NEO1: variants seen among roughly 807,000 people sequenced by gnomAD.
The protein encoded by NEO1 is neogenin 1.
Under a neutral mutation model 159.7 loss-of-function variants are expected in NEO1, and 63 were observed. The ratio of observed to expected loss-of-function variants is 0.39; its 90% CI spans 0.32 to 0.49. The LOEUF is 0.49. NEO1 is among the 20% of genes least tolerant of loss of function. NEO1 has a pLI of 0.85. For missense variants in NEO1, 1,615 were observed against 1,831.0 expected (o/e 0.88, Z 2.15); for synonymous variants, 633 against 662.0 (o/e 0.96, Z 0.67).
intron 7 of NEO1, among the ~76,000 whole-genome samples, chr15:73,184,555 A>G (rs2035808105): frequency 6.6e-6 from 1 of 152,214 alleles, no homozygotes; most frequent in African/African-American, 2.4e-5. Context: ...CCTAATTACC[A>G]AGATGTCCTT....
At chr15:73,126,191 A>G (rs1439994325) in intron 3 of NEO1, among the ~76,000 whole-genome samples, 1 of 152,198 alleles carries the variant, frequency 6.6e-6, no homozygotes, top group Admixed American at 6.5e-5. Context: ...CACAGACTGA[A>G]TAAGAACCAG....
At chr15:73,283,216 A>G (rs2041804308) in intron 23 of NEO1, 105 bp downstream of exon 23, 5 of 1,271,662 alleles carry the variant, frequency 3.9e-6, no homozygotes, top group Non-Finnish European at 5.5e-6. Flanking sequence ...ATAAAAATAC[A>G]TGAAAAGGAA....
chr15:73,093,321 T>C (rs1036858379), intron 1 of NEO1, among the ~76,000 whole-genome samples: 6 of 152,222 alleles, frequency 3.9e-5, no homozygotes, highest in African/African-American at 1.4e-4. Context: ...TGTACTCTTT[T>C]GAGAAGAAAG....
At chr15:73,242,182 T>A (rs1020798285) in intron 8 of NEO1, among the ~76,000 whole-genome samples, 7 of 152,188 alleles carry the variant, frequency 4.6e-5, no homozygotes, top group South Asian at 2.1e-4. Flanking sequence ...TGATCTGTAC[T>A]CTCTCAGAGA....
Position 73,303,414 on chromosome 15 carries a change from T to G in NEO1, c.*718T>G, listed in dbSNP as rs2042690881. 1 of 152,362 alleles carries G rather than the reference T, an allele frequency of 6.6e-6. No homozygotes were observed. The highest frequency in any genetic ancestry group is 6.6e-5 in the Admixed American group (1 of 15,246). The allele number at this position is 152,362 out of a possible 1,614,324, so 9.4% of individuals were successfully genotyped here. ...TCTCATCACTGTGAGATTACAGATC[T>G]ATTTGAATTGAATGAAATGTAACAT... is the stretch of plus-strand genomic sequence containing the variant. On this transcript the variant is annotated 3_prime_UTR_variant, in exon 29 of 29. Transcript: ENST00000261908.
chr15:73,226,068 G>T (rs2038573381), intron 7 of NEO1, among the ~76,000 whole-genome samples: 2 of 152,206 alleles, frequency 1.3e-5, no homozygotes, highest in Non-Finnish European at 1.5e-5. Context: ...AGTTTCTCCA[G>T]TGGGGATGTG....
intron 5 of NEO1, among the ~76,000 whole-genome samples, chr15:73,144,854 C>A (rs748248528): frequency 6.6e-6 from 1 of 152,138 alleles, no homozygotes; most frequent in Admixed American, 6.5e-5. Context: ...ACATGAAAAT[C>A]ATTCTTGATT....
intron 16 of NEO1, among the ~76,000 whole-genome samples, chr15:73,267,980 A>G (rs937170623): frequency 6.6e-6 from 1 of 152,256 alleles, no homozygotes; most frequent in South Asian, 2.1e-4. Flanking sequence ...ATTCTTAAGG[A>G]AGGCTTACCT....
chr15:73,116,766 C>T lies in NEO1; in HGVS notation c.357C>T (p.His119=), dbSNP rs1279266146. The T allele has an allele frequency of 6.2e-7, 1 of 1,613,848 alleles. No individual in the cohort carries two copies. The highest frequency in any genetic ancestry group is 8.5e-7 in the Non-Finnish European group (1 of 1,179,884). ...TCAGCAATGTGGTGCATTCCAAACA[C>T]AATAAACCTGATGAAGGTTATTATC... The part of the protein sequence containing the change: ...LFISNVVHSK[H]NKPDEGYYQC... The change falls in exon 2 of 29, where the codon CAC becomes CAT. Residue 119 remains histidine, a synonymous_variant. Transcript: ENST00000261908.
At chr15:73,113,294 T>G (rs2071107825) in intron 1 of NEO1, among the ~76,000 whole-genome samples, 1 of 152,142 alleles carries the variant, frequency 6.6e-6, no homozygotes, top group Admixed American at 6.6e-5. Flanking sequence ...ATTATTAGAA[T>G]GGAACCTGCA....
intron 1 of NEO1, among the ~76,000 whole-genome samples, chr15:73,065,127 CCT>C (rs549946890): frequency 1.2e-3 from 176 of 151,928 alleles, no homozygotes; most frequent in South Asian, 2.3e-3. Flanking sequence ...TTCCATTTGT[CCT>C]TCTCTTTTGT....
intron 1 of NEO1, among the ~76,000 whole-genome samples, chr15:73,077,828 GAGA>G (rs1229660951): frequency 6.6e-6 from 1 of 152,142 alleles, no homozygotes; most frequent in Non-Finnish European, 1.5e-5. Context: ...TTCTAAAAAT[GAGA>G]AGGTTACTTC....
chr15:73,078,478 A>G (rs1201862038), intron 1 of NEO1, among the ~76,000 whole-genome samples: 1 of 152,172 alleles, frequency 6.6e-6, no homozygotes, highest in East Asian at 1.9e-4. Context: ...GTCTAGTTTC[A>G]TTTCCCAGCC....
intron 4 of NEO1, among the ~76,000 whole-genome samples, chr15:73,131,922 T>C (rs1026257143): frequency 4.6e-5 from 7 of 152,244 alleles, no homozygotes; most frequent in African/African-American, 1.7e-4. Context: ...TGCTAGTCTA[T>C]CTTTCTGAAA....
Position 73,074,154 on chromosome 15 carries a change from A to G in NEO1, c.130+21349A>G, listed in dbSNP as rs553994914. Among the ~76,000 whole-genome samples, 9 of 152,346 alleles carry G rather than the reference A, an allele frequency of 5.9e-5. No homozygotes were observed. The South Asian group carries it at 8.3e-4, about 14-fold the overall frequency. Reference sequence around the variant, plus strand: ...TTTTACTCATTTGAGGACTCAAGTCATGTCTAAACAGATAAAGGTATCAGC... The same window carrying G: ...TTTTACTCATTTGAGGACTCAAGTCGTGTCTAAACAGATAAAGGTATCAGC... On this transcript the variant is annotated intron_variant, in intron 1 of 28. Transcript: ENST00000261908.
chr15:73,114,389 G>C (rs934042047), intron 1 of NEO1, among the ~76,000 whole-genome samples: 1 of 152,116 alleles, frequency 6.6e-6, no homozygotes, highest in Non-Finnish European at 1.5e-5. Context: ...AGTGAAGAGA[G>C]GATATCTTAG....
At chr15:73,129,379 A>G (rs1193074980) in intron 4 of NEO1, among the ~76,000 whole-genome samples, 1 of 152,158 alleles carries the variant, frequency 6.6e-6, no homozygotes, top group East Asian at 1.9e-4. Context: ...AGAAATTCAG[A>G]TAGTGTTAGG....
In NEO1 at chr15:73,298,745, T is replaced by C. The variant is rs1358661638; in HGVS notation, c.4165+134T>C. The C allele has an allele frequency of 6.2e-6, 8 of 1,282,414 alleles. 1 individual carries two copies. In the African/African-American group the frequency reaches 1.2e-4, roughly 19 times the overall value. The allele number at this position is 1,282,414 out of a possible 1,614,324, so 79.4% of individuals were successfully genotyped here. On this transcript the variant is annotated intron_variant, in intron 27 of 28. Transcript: ENST00000261908. Reference sequence around the variant, plus strand: ...TCCAAGCCTATCTTAGCAATTCTGTTAGCGTAGCAGTGTGCCATTGCCCCG... The same window carrying C: ...TCCAAGCCTATCTTAGCAATTCTGTCAGCGTAGCAGTGTGCCATTGCCCCG...
intron 7 of NEO1, among the ~76,000 whole-genome samples, chr15:73,179,077 C>G (rs2035448964): frequency 6.6e-6 from 1 of 152,056 alleles, no homozygotes; most frequent in Non-Finnish European, 1.5e-5. Flanking sequence ...TTTAAAAATT[C>G]AGATAACAAT....
Sources: allele counts gnomAD v4.1 joint callset (sites outside exome capture counted in the v4.1 genomes callset), GRCh38; gene constraint gnomAD v4.1.1; transcripts MANE v1.5; gene names NCBI Gene and HGNC (gene_info 2026-07-23, HGNC 2026-07-21).